Variants in PRPF18 observed in about 807,000 individuals in gnomAD.
PRPF18 encodes pre-mRNA processing factor 18.
PRPF18 carries 38 observed loss-of-function variants against 46.5 expected under a neutral mutation model. The ratio of observed to expected loss-of-function variants is 0.82; its 90% CI spans 0.63 to 1.07. The LOEUF (loss-of-function observed/expected upper bound fraction) is 1.07, where lower values mean the gene tolerates loss of function less well. Among genes scored for constraint, PRPF18 ranks in the 50% least tolerant of loss-of-function variants. The pLI, the probability that PRPF18 is intolerant of heterozygous loss-of-function variation, is 0.00. For missense variants in PRPF18, 263 were observed against 410.0 expected (o/e 0.64, Z 3.10); for synonymous variants, 152 against 146.7 (o/e 1.04, Z -0.26).
chr10:13,598,391 A>T (rs1014846300), intron 2 of PRPF18, among the ~76,000 whole-genome samples: 4 of 152,208 alleles, frequency 2.6e-5, no homozygotes, highest in Admixed American at 2.6e-4. Context: ...AATATAAGAT[A>T]ATACTTTTGT....
At chr10:13,624,328 A>G (rs2080466400) in intron 9 of PRPF18, among the ~76,000 whole-genome samples, 1 of 152,246 alleles carries the variant, frequency 6.6e-6, no homozygotes, top group African/African-American at 2.4e-5. Context: ...ACACATTGAT[A>G]TTTGAAAAAT....
intron 1 of PRPF18, chr10:13,591,617 T>C: frequency 1.6e-6 from 1 of 639,154 alleles, no homozygotes; most frequent in Non-Finnish European, 2.9e-6. Flanking sequence ...TTTATCTTTT[T>C]CTGTGCTGAA....
intron 9 of PRPF18, among the ~76,000 whole-genome samples, chr10:13,621,089 A>G (rs761949218): frequency 1.9e-4 from 29 of 152,248 alleles, no homozygotes; most frequent in African/African-American, 5.1e-4. Flanking sequence ...TTATAATTCA[A>G]TCATTCCCAG....
chr10:13,605,195 C>G (rs886873334), intron 3 of PRPF18, among the ~76,000 whole-genome samples: 48 of 152,160 alleles, frequency 3.2e-4, no homozygotes, highest in African/African-American at 1.1e-3. Flanking sequence ...TACACAGAGG[C>G]ATGTATTTGG....
Position 13,613,688 on chromosome 10 carries a change from G to A in PRPF18, c.580-53G>A, listed in dbSNP as rs1238776470. 8 of 1,567,912 alleles carry A rather than the reference G, an allele frequency of 5.1e-6. No individual in the cohort carries two copies. In the East Asian group the frequency reaches 1.8e-4, roughly 35 times the overall value. On this transcript the variant is annotated intron_variant, in intron 6 of 9. Coordinates refer to ENST00000378572, the MANE Select transcript of PRPF18 (RefSeq NM_003675.4). Reference sequence around the variant, plus strand: ...TTTGTGTGCTAGAGAGCATTTAGATGTACTGAACCACTGGGTGGCATTGTA... The same window carrying A: ...TTTGTGTGCTAGAGAGCATTTAGATATACTGAACCACTGGGTGGCATTGTA...
intron 1 of PRPF18, 23 bp from the exon 2 acceptor site, chr10:13,597,435 A>G: frequency 1.3e-6 from 2 of 1,510,130 alleles, no homozygotes; most frequent in Middle Eastern, 2.3e-4. Context: ...TATATTATTG[A>G]CATAATTTAT....
chr10:13,616,543 A>G lies in PRPF18; in HGVS notation c.938A>G (p.Lys313Arg). The G allele has an allele frequency of 1.2e-6, 2 of 1,614,114 alleles. No homozygotes were observed. Among genetic ancestry groups the G allele is most frequent in the Non-Finnish European group, 1.7e-6 (2 of 1,179,970 alleles). The part of the protein sequence containing the change: ...AHVLNDETQR[K>R]YIQGLKRLMT... ...GTTTTAAATGACGAAACTCAGCGGA[A>G]ATATATTCAGGTAAGCAGTTTGGAG... is the stretch of plus-strand genomic sequence containing the variant. Residue 313 changes from lysine (K) to arginine (R), a missense_variant, in exon 9 of 10, where the codon AAA (lysine) becomes AGA (arginine). Lys to Arg is a conservative substitution (Grantham distance 26, BLOSUM62 2). Transcript: ENST00000378572.
At chr10:13,594,343 AATTC>A (rs1214248054) in intron 1 of PRPF18, among the ~76,000 whole-genome samples, 1 of 152,230 alleles carries the variant, frequency 6.6e-6, no homozygotes, top group East Asian at 1.9e-4. Context: ...ACACGAAGAA[AATTC>A]ATCCACAGAT....
chr10:13,619,495 C>T (rs1246941520), intron 9 of PRPF18, among the ~76,000 whole-genome samples: 1 of 152,208 alleles, frequency 6.6e-6, no homozygotes, highest in East Asian at 1.9e-4. Flanking sequence ...CCCTTCTGGC[C>T]AGAGTCCTCT....
the PRPF18 span, chr10:13,654,220 C>A: frequency 1.6e-6 from 1 of 609,122 alleles, no homozygotes; most frequent in Non-Finnish European, 2.9e-6. Context: ...AGACAATTCA[C>A]CTCTATAAAG....
At chr10:13,647,018 C>T in the PRPF18 span, 2 of 971,770 alleles carry the variant, frequency 2.1e-6, no homozygotes, top group Non-Finnish European at 2.4e-6. Flanking sequence ...ATCCAGGAAA[C>T]AGCTATCATT....
At position 13,591,915 on chromosome 10, in the gene PRPF18, G is replaced by A. The variant is rs758019945; in HGVS notation, c.66+4763G>A. The A allele has an allele frequency of 1.8e-5, 25 of 1,389,360 alleles. No individual in the cohort carries two copies. In the East Asian group the frequency reaches 3.9e-4, roughly 22 times the overall value. The allele number at this position is 1,389,360 out of a possible 1,614,324, so 86.1% of individuals were successfully genotyped here. ...TAATGCTGGTTCGCAGTTTTCTCAC[G>A]TGTCAACTGAGGGTTTTTTTTTTTT... On this transcript the variant is annotated intron_variant, in intron 1 of 9. Transcript: ENST00000378572.
At chr10:13,613,530 T>A in intron 6 of PRPF18, among the ~76,000 whole-genome samples, 1 of 152,244 alleles carries the variant, frequency 6.6e-6, no homozygotes, top group Non-Finnish European at 1.5e-5. Context: ...AGATGTAGAC[T>A]AGGGAAGTTG....
chr10:13,588,662 T>C (rs1403985021), intron 1 of PRPF18, among the ~76,000 whole-genome samples: 2 of 152,166 alleles, frequency 1.3e-5, no homozygotes, highest in Non-Finnish European at 1.5e-5. Context: ...TTCTCTCTTC[T>C]TCAACACATG....
At chr10:13,613,977 C>T (rs747076874) in intron 7 of PRPF18, 38 bp from the exon 8 acceptor site, 1 of 1,553,478 alleles carries the variant, frequency 6.4e-7, no homozygotes. Context: ...TACATCTATA[C>T]ATAGTAGCTT....
At chr10:13,652,250 T>G in the PRPF18 span, 1 of 489,158 alleles carries the variant, frequency 2.0e-6, no homozygotes, top group Non-Finnish European at 3.7e-6. Context: ...GAACCAAAAT[T>G]GCTGTTTTTC....
intron 8 of PRPF18, among the ~76,000 whole-genome samples, chr10:13,615,906 G>T (rs117284174): frequency 6.6e-6 from 1 of 152,102 alleles, no homozygotes; most frequent in African/African-American, 2.4e-5. Flanking sequence ...TGTGGTCGTC[G>T]GCACATACTG....
the PRPF18 span, chr10:13,646,669 C>T: frequency 6.5e-6 from 1 of 152,798 alleles, no homozygotes; most frequent in East Asian, 1.9e-4. Context: ...GCTGTCATGG[C>T]AGAGGGAAGC....
At chr10:13,587,310 C>T (rs1017353010) in intron 1 of PRPF18, 158 bp downstream of exon 1, 6 of 740,924 alleles carry the variant, frequency 8.1e-6, no homozygotes, top group Non-Finnish European at 2.3e-6. Context: ...AGATCCAACC[C>T]TTGGCGTCTC....
Sources: gnomAD v4.1 joint callset for allele counts (sites outside exome capture counted in the v4.1 genomes callset) on GRCh38, gnomAD v4.1.1 for gene constraint, MANE v1.5 for transcripts, NCBI Gene and HGNC (gene_info 2026-07-23, HGNC 2026-07-21) for gene names.